The following DOCK3 variants were observed in gnomAD, a reference collection of about 807,000 sequenced individuals.
DOCK3 encodes the protein dedicator of cytokinesis 3.
A neutral mutation model predicts 265.6 loss-of-function variants in DOCK3; 60 were observed. That is an observed-to-expected ratio of 0.23 (90% confidence interval 0.18 to 0.28). The LOEUF (loss-of-function observed/expected upper bound fraction) is 0.28. Ranked by LOEUF, DOCK3 falls within the 10% of genes least tolerant of loss-of-function variation. The pLI is 1.00. For synonymous variants in DOCK3, 881 were observed against 938.0 expected, an observed-to-expected ratio of 0.94 and a Z score of 1.11; for missense variants, 1,981 against 2,594.3, an observed-to-expected ratio of 0.76 and a Z score of 5.14.
intron 9 of DOCK3, among the ~76,000 whole-genome samples, chr3:51,137,333 TG>T (rs1469256601): frequency 6.6e-6 from 1 of 152,216 alleles, no homozygotes; most frequent in East Asian, 1.9e-4. Context: ...GCTAAGCAGT[TG>T]GCATCCATAT....
chr3:51,143,422 A>T (rs1041248509), intron 9 of DOCK3, among the ~76,000 whole-genome samples: 5 of 151,186 alleles, frequency 3.3e-5, no homozygotes, highest in Non-Finnish European at 5.9e-5. Context: ...GGCACCCGCC[A>T]CTATGCCTGG....
chr3:51,290,248 C>A (rs567937972), intron 27 of DOCK3, among the ~76,000 whole-genome samples: 1 of 152,058 alleles, frequency 6.6e-6, no homozygotes, highest in Admixed American at 6.6e-5. Flanking sequence ...ATGTTTATTG[C>A]GGCACTACTC....
intron 5 of DOCK3, among the ~76,000 whole-genome samples, chr3:51,035,883 T>A (rs966437258): frequency 2.6e-5 from 4 of 152,174 alleles, no homozygotes. Flanking sequence ...TGATCTGCAT[T>A]TAAACACAGA....
At chr3:50,871,136 C>T (rs143456197) in intron 3 of DOCK3, among the ~76,000 whole-genome samples, 10 of 152,062 alleles carry the variant, frequency 6.6e-5, no homozygotes, top group African/African-American at 2.4e-4. Context: ...CGTTGCTTGT[C>T]GTCATCCTTT....
chr3:51,379,717 T>C (rs1159752293), intron 51 of DOCK3: 3 of 865,626 alleles, frequency 3.5e-6, no homozygotes, highest in Non-Finnish European at 4.2e-6. Flanking sequence ...ACAGGAAGGA[T>C]CCTGCTGGGC....
chr3:50,906,065 T>A (rs1230572242), intron 4 of DOCK3, among the ~76,000 whole-genome samples: 1 of 152,086 alleles, frequency 6.6e-6, no homozygotes, highest in Non-Finnish European at 1.5e-5. Context: ...TGGATTACGT[T>A]TATTGATTTG....
At chr3:51,220,712 T>TGTGC (rs2090054172) in intron 14 of DOCK3, among the ~76,000 whole-genome samples, 1 of 138,210 alleles carries the variant, frequency 7.2e-6, no homozygotes, top group African/African-American at 2.8e-5. Flanking sequence ...TGTGTGTGTA[T>TGTGC]ATATATATAT....
At chr3:50,885,702 G>A (rs2048292887) in intron 3 of DOCK3, among the ~76,000 whole-genome samples, 1 of 152,140 alleles carries the variant, frequency 6.6e-6, no homozygotes, top group South Asian at 2.1e-4. Context: ...CTGCCACTGT[G>A]TGGTGGGAGC....
At chr3:50,699,146 T>A (rs2035862204) in intron 1 of DOCK3, among the ~76,000 whole-genome samples, 1 of 152,236 alleles carries the variant, frequency 6.6e-6, no homozygotes, top group Non-Finnish European at 1.5e-5. Context: ...TATTGTTTTT[T>A]CAGCACCATT....
chr3:50,727,719 AGGATG>A (rs1380347901), intron 1 of DOCK3, among the ~76,000 whole-genome samples: 2 of 152,182 alleles, frequency 1.3e-5, no homozygotes, highest in East Asian at 3.8e-4. Flanking sequence ...AAAACAAAAA[AGGATG>A]AAAGGGTCAA....
intron 5 of DOCK3, among the ~76,000 whole-genome samples, chr3:51,014,747 T>C (rs2079086332): frequency 6.6e-6 from 1 of 152,156 alleles, no homozygotes. Context: ...TTGGGTAGTA[T>C]GGACGTTTTA....
chr3:50,864,981 A>T (rs187148672), intron 3 of DOCK3, among the ~76,000 whole-genome samples: 72 of 151,334 alleles, frequency 4.8e-4, no homozygotes, highest in African/African-American at 1.7e-3. Flanking sequence ...GAGGAGTGTC[A>T]GAGGTTTTCT....
At chr3:51,147,787 G>A (rs143267651) in intron 10 of DOCK3, among the ~76,000 whole-genome samples, 24 of 152,252 alleles carry the variant, frequency 1.6e-4, no homozygotes, top group East Asian at 7.7e-4. Context: ...TGTGAATAGC[G>A]CCTCAATAAA....
intron 27 of DOCK3, among the ~76,000 whole-genome samples, chr3:51,295,044 T>A (rs1334019837): frequency 6.6e-6 from 1 of 152,224 alleles, no homozygotes; most frequent in East Asian, 1.9e-4. Context: ...AATAAAAATT[T>A]TTTAAATCGG....
chr3:50,868,520 C>A (rs9851304), intron 3 of DOCK3, among the ~76,000 whole-genome samples: 6,975 of 152,066 alleles, frequency 0.046, 575 homozygotes, highest in African/African-American at 0.16. Flanking sequence ...ACTACAGGCA[C>A]ACACCATCAC....
At chr3:50,722,769 G>T (rs371045769) in intron 1 of DOCK3, among the ~76,000 whole-genome samples, 10 of 135,104 alleles carry the variant, frequency 7.4e-5, no homozygotes, top group East Asian at 4.3e-4. Flanking sequence ...TCTTTTTCTT[G>T]TTTTTTTTTT....
Position 51,002,537 on chromosome 3 carries a change from GTATT to G in DOCK3, c.316-61906_316-61903del, listed in dbSNP as rs1270278567. On this transcript the variant is annotated intron_variant, in intron 5 of 52. Coordinates refer to ENST00000266037, the MANE Select transcript of DOCK3 (RefSeq NM_004947.5). Reference sequence around the variant, plus strand: ...CCACAGCTTATAAAGATTTTCTCCTGTATTTATTCTATAAGTTGTATAGTCTTAT... The same window carrying G: ...CCACAGCTTATAAAGATTTTCTCCTGTATTCTATAAGTTGTATAGTCTTAT... Among the ~76,000 whole-genome samples the G allele has an allele frequency of 1.1e-4, 17 of 152,228 alleles. No individual in the cohort carries two copies. In the East Asian group the frequency reaches 2.7e-3, roughly 24 times the overall value.
At chr3:51,274,816 A>ACAT (rs1478881030) in intron 24 of DOCK3, among the ~76,000 whole-genome samples, 1 of 152,148 alleles carries the variant, frequency 6.6e-6, no homozygotes, top group Non-Finnish European at 1.5e-5. Flanking sequence ...CAGACTCCTA[A>ACAT]CATTCATCCT....
chr3:51,078,920 T>C (rs144296636), intron 7 of DOCK3, among the ~76,000 whole-genome samples: 1 of 152,318 alleles, frequency 6.6e-6, no homozygotes, highest in Non-Finnish European at 1.5e-5. Flanking sequence ...TCCTGTCTTT[T>C]TATCTCATGT....
Sources: gnomAD v4.1 joint callset for allele counts (sites outside exome capture counted in the v4.1 genomes callset) on GRCh38, gnomAD v4.1.1 for gene constraint, MANE v1.5 for transcripts, NCBI Gene and HGNC (gene_info 2026-07-23, HGNC 2026-07-21) for gene names.